The following TECTB variants were observed in gnomAD, a reference collection of about 807,000 sequenced individuals.
TECTB encodes the protein tectorin beta.
In TECTB, 45 loss-of-function variants were observed where a neutral mutation model predicts 43.3. The ratio of observed to expected loss-of-function variants is 1.04; its 90% CI spans 0.82 to 1.33. The LOEUF (loss-of-function observed/expected upper bound fraction) is 1.33, where lower values mean the gene tolerates loss of function less well. Ranked by LOEUF, TECTB falls within the 40% of genes most tolerant of loss-of-function variation. The pLI is 0.00. For synonymous variants in TECTB, 169 were observed against 156.7 expected, an observed-to-expected ratio of 1.08 and a Z score of -0.59; for missense variants, 399 against 404.7, an observed-to-expected ratio of 0.99 and a Z score of 0.12.
In TECTB at chr10:112,303,581, C is replaced by G. The variant is rs547891422; in HGVS notation, c.*269C>G. The G allele has an allele frequency of 2.1e-6, 1 of 484,382 alleles. No individual in the cohort carries two copies. The highest frequency in any genetic ancestry group is 3.2e-5 in the East Asian group (1 of 31,544). 30.0% of individuals were successfully genotyped at this position (484,382 alleles called of 1,614,324 possible). On this transcript the variant is annotated 3_prime_UTR_variant, in exon 11 of 11. Transcript: ENST00000646139. ...GAGCCTCCTTTCTCCATACTCAAGT[C>G]AGGGCTGCAGTAAATTCCTTTGAAA...
At chr10:112,300,099 T>C (rs573695726) in intron 9 of TECTB, among the ~76,000 whole-genome samples, 1 of 145,844 alleles carries the variant, frequency 6.9e-6, no homozygotes, top group South Asian at 2.2e-4. Flanking sequence ...GAGGCAGAGG[T>C]TGCAGTGAGC....
In TECTB at chr10:112,284,703, C is replaced by T. The variant is rs560973080; in HGVS notation, c.245C>T (p.Ser82Phe). Reference sequence around the variant, plus strand: ...CCAGATTTATCACCTAAAAACAAGTCCTATTGTGGAACCCAGTCTGAGGTA... The same window carrying T: ...CCAGATTTATCACCTAAAAACAAGTTCTATTGTGGAACCCAGTCTGAGGTA... ...VIPDLSPKNK[S>F]YCGTQSEYKP... The change falls in exon 3 of 11, where the codon TCC becomes TTC. Residue 82 changes from serine to phenylalanine, a missense_variant. Transcript: ENST00000646139. 4 of 1,605,100 alleles carry T rather than the reference C, an allele frequency of 2.5e-6. No individual in the cohort carries two copies. Among genetic ancestry groups the T allele is most frequent in the Admixed American group, 3.4e-5 (2 of 58,894 alleles).
chr10:112,299,816 G>A (rs1032560613), intron 9 of TECTB: 20 of 476,114 alleles, frequency 4.2e-5, no homozygotes, highest in Non-Finnish European at 7.6e-5. Context: ...CAAAGAATCA[G>A]GAAGTGCTGA....
intron 2 of TECTB, 44 bp from the exon 3 acceptor site, chr10:112,284,491 T>C (rs1463001670): frequency 6.6e-7 from 1 of 1,514,930 alleles, no homozygotes; most frequent in Non-Finnish European, 8.9e-7. Context: ...TAGGTTAGCA[T>C]GATTACCCTA....
chr10:112,302,021 T>C, intron 9 of TECTB, 80 bp from the exon 10 acceptor site: 1 of 1,549,382 alleles, frequency 6.5e-7, no homozygotes, highest in Non-Finnish European at 8.9e-7. Context: ...AGGTTTTGTG[T>C]TGTAGAAACA....
chr10:112,287,822 C>T (rs1848467378), intron 5 of TECTB, among the ~76,000 whole-genome samples: 1 of 152,170 alleles, frequency 6.6e-6, no homozygotes, highest in Non-Finnish European at 1.5e-5. Context: ...CCTTTCAAGG[C>T]CTTGTGTCTA....
intron 8 of TECTB, among the ~76,000 whole-genome samples, chr10:112,299,249 C>A (rs566956286): frequency 6.6e-6 from 1 of 152,332 alleles, no homozygotes; most frequent in East Asian, 1.9e-4. Flanking sequence ...CAGAAGGATT[C>A]CCTCTGGCTT....
chr10:112,289,567 C>T (rs1848481503), intron 5 of TECTB, among the ~76,000 whole-genome samples: 1 of 152,152 alleles, frequency 6.6e-6, no homozygotes, highest in Non-Finnish European at 1.5e-5. Flanking sequence ...CACATGTGTC[C>T]CAGTTCTGTC....
intron 3 of TECTB, among the ~76,000 whole-genome samples, chr10:112,285,769 G>A (rs1848448806): frequency 6.6e-6 from 1 of 152,162 alleles, no homozygotes; most frequent in African/African-American, 2.4e-5. Flanking sequence ...GTTGACTTTG[G>A]GAAACAGAGA....
At position 112,300,149 on chromosome 10, in the gene TECTB, C is replaced by T. The variant is rs375182806; in HGVS notation, c.907+585C>T. 1.2e-3 allele frequency among the ~76,000 whole-genome samples: 157 copies of T among 127,516 alleles called. 6 individuals carry two copies. The South Asian group carries it at 0.037, about 30-fold the overall frequency. 83.7% of individuals were successfully genotyped at this position (127,516 alleles called of 152,430 possible). A position where few individuals can be genotyped will look rare whatever the true frequency, so the allele number is the denominator to read the frequency against. On this transcript the variant is annotated intron_variant, in intron 9 of 10. Transcript: ENST00000646139. Reference sequence around the variant, plus strand: ...TGTACTCCAGCCTGGGCAACAAGAGCGAAACTCCGTCTCAAAAAAAAAAAA... The same window carrying T: ...TGTACTCCAGCCTGGGCAACAAGAGTGAAACTCCGTCTCAAAAAAAAAAAA...
chr10:112,301,194 G>A (rs1471194428), intron 9 of TECTB, among the ~76,000 whole-genome samples: 2 of 152,150 alleles, frequency 1.3e-5, no homozygotes, highest in East Asian at 1.9e-4. Flanking sequence ...AGGCCAAGGC[G>A]GGCAGATCAC....
Position 112,294,070 on chromosome 10 carries a change from A to G in TECTB, c.671+9A>G. Reference sequence around the variant, plus strand: ...CAGCTGATCAACAAGGGGTAGGTACACTATCTAGAGACAGGGCTGAACAGT... The same window carrying G: ...CAGCTGATCAACAAGGGGTAGGTACGCTATCTAGAGACAGGGCTGAACAGT... On this transcript the variant is annotated intron_variant, in intron 7 of 10. Coordinates refer to ENST00000646139, the MANE Select transcript of TECTB (RefSeq NM_058222.3). 1 of 1,613,136 alleles carries G rather than the reference A, an allele frequency of 6.2e-7. No individual in the cohort carries two copies. Among genetic ancestry groups the G allele is most frequent in the Non-Finnish European group, 8.5e-7 (1 of 1,179,108 alleles).
At chr10:112,295,694 C>A (rs1243632086) in intron 7 of TECTB, among the ~76,000 whole-genome samples, 2 of 152,210 alleles carry the variant, frequency 1.3e-5, no homozygotes. Flanking sequence ...ACGTATTGAC[C>A]TGCAGGGACC....
intron 3 of TECTB, 114 bp downstream of exon 3, chr10:112,284,839 AG>A (rs1160718894): frequency 1.0e-6 from 1 of 966,966 alleles, no homozygotes; most frequent in African/African-American, 1.7e-5. Context: ...TTCCTTTTAA[AG>A]GTCAGTCCTG....
chr10:112,303,507 C>A lies in TECTB; in HGVS notation c.*195C>A. ...TTTTTCTTTCTAAGAAAAACTTAGGCTACTTCCCGTGGCCCTTAGATCTCA... is the reference window on the plus strand; with the variant it reads ...TTTTTCTTTCTAAGAAAAACTTAGGATACTTCCCGTGGCCCTTAGATCTCA... On this transcript the variant is annotated 3_prime_UTR_variant, in exon 11 of 11. Coordinates refer to ENST00000646139, the MANE Select transcript of TECTB (RefSeq NM_058222.3). The A allele has an allele frequency of 1.5e-6, 1 of 662,390 alleles. No homozygotes were observed. The highest frequency in any genetic ancestry group is 2.6e-6 in the Non-Finnish European group (1 of 387,906). The allele number at this position is 662,390 out of a possible 1,614,324, so 41.0% of individuals were successfully genotyped here.
intron 5 of TECTB, among the ~76,000 whole-genome samples, chr10:112,293,431 T>C (rs1161616063): frequency 6.6e-6 from 1 of 152,268 alleles, no homozygotes; most frequent in East Asian, 1.9e-4. Context: ...AGTGCCTTAA[T>C]ATCCCTGAAT....
At chr10:112,283,589 T>C (rs1848430046) in intron 1 of TECTB, 59 bp from the exon 2 acceptor site, 4 of 692,620 alleles carry the variant, frequency 5.8e-6, no homozygotes, top group African/African-American at 1.8e-5. Flanking sequence ...TCCCCAAGAC[T>C]GTATGTGCGG....
In TECTB at chr10:112,290,198, T is replaced by C. The variant is rs929144484; in HGVS notation, c.484-3540T>C. Reference sequence around the variant, plus strand: ...CCCCTTGTCCAGAATATCCACACTGTAGACACTACCTGTCTGTCAGTCACT... The same window carrying C: ...CCCCTTGTCCAGAATATCCACACTGCAGACACTACCTGTCTGTCAGTCACT... On this transcript the variant is annotated intron_variant, in intron 5 of 10. Transcript: ENST00000646139. 3.9e-5 allele frequency among the ~76,000 whole-genome samples: 6 copies of C among 152,230 alleles called. No individual in the cohort carries two copies. In the East Asian group the frequency reaches 1.2e-3, roughly 29 times the overall value.
chr10:112,302,029 A>G, intron 9 of TECTB, 72 bp from the exon 10 acceptor site: 1 of 1,575,148 alleles, frequency 6.3e-7, no homozygotes, highest in Non-Finnish European at 8.7e-7. Flanking sequence ...TGTTGTAGAA[A>G]CATCACTCTG....
Sources: gnomAD v4.1 joint callset for allele counts (sites outside exome capture counted in the v4.1 genomes callset) on GRCh38, gnomAD v4.1.1 for gene constraint, MANE v1.5 for transcripts, NCBI Gene and HGNC (gene_info 2026-07-23, HGNC 2026-07-21) for gene names.